Variants in VEZT observed in about 807,000 individuals in gnomAD.
The protein encoded by VEZT is vezatin, adherens junctions transmembrane protein.
Under a neutral mutation model 79.9 loss-of-function variants are expected in VEZT, and 39 were observed. That is an observed-to-expected ratio of 0.49 (90% CI 0.38 to 0.64). The LOEUF is 0.64. Among genes scored for constraint, VEZT ranks in the 30% least tolerant of loss-of-function variants. The probability of loss-of-function intolerance (pLI) is 0.00; values close to 1 mark genes in which losing one functional copy is unlikely to be tolerated. For synonymous variants in VEZT, 325 were observed against 327.6 expected (o/e 0.99, Z 0.09); for missense variants, 837 against 893.1 (o/e 0.94, Z 0.80).
At chr12:95,294,459 A>T (rs1055911395) in intron 10 of VEZT, 87 bp downstream of exon 10, 1 of 1,119,042 alleles carries the variant, frequency 8.9e-7, no homozygotes, top group Non-Finnish European at 1.3e-6. Flanking sequence ...TTGAATTTAT[A>T]TCAGATCATT....
intron 1 of VEZT, among the ~76,000 whole-genome samples, chr12:95,247,193 A>G (rs1352414427): frequency 6.6e-6 from 1 of 152,226 alleles, no homozygotes; most frequent in African/African-American, 2.4e-5. Flanking sequence ...AGATGGTTGC[A>G]TATTCTACGT....
Position 95,249,015 on chromosome 12 carries a change from C to T in VEZT, c.37-2925C>T, listed in dbSNP as rs139444641. The stretch of plus-strand genomic sequence containing the variant: ...AATATTTTGTGACATATGAAAATTA[C>T]ATGAAGTTCAAATTTCAGTGTCTAT... On this transcript the variant is annotated intron_variant, in intron 1 of 11. Transcript: ENST00000436874. 2.7e-4 allele frequency among the ~76,000 whole-genome samples: 41 copies of T among 152,152 alleles called. 2 individuals are homozygous for T. The highest frequency in any genetic ancestry group is 9.6e-4 in the African/African-American group (40 of 41,510).
chr12:95,221,871 AT>A lies in VEZT; in HGVS notation c.36+3986del, dbSNP rs1565954954. On this transcript the variant is annotated intron_variant, in intron 1 of 11. Transcript: ENST00000436874. The stretch of plus-strand genomic sequence containing the variant: ...ATAAATACTCAAAAATATTCAAAAA[AT>A]AATACAAATAAAAAAACTATACAGG... 1.3e-3 allele frequency among the ~76,000 whole-genome samples: 203 copies of A among 152,206 alleles called. 1 individual carries two copies. Among genetic ancestry groups the A allele is most frequent in the African/African-American group, 4.7e-3 (197 of 41,530 alleles).
chr12:95,281,436 C>T (rs1566250024), intron 7 of VEZT, among the ~76,000 whole-genome samples: 1 of 152,018 alleles, frequency 6.6e-6, no homozygotes. Flanking sequence ...TATGATAGTG[C>T]CATTGCACTC....
At chr12:95,260,770 T>TC (rs2138297642) in intron 3 of VEZT, among the ~76,000 whole-genome samples, 1 of 152,316 alleles carries the variant, frequency 6.6e-6, no homozygotes. Flanking sequence ...AATAGTAAGA[T>TC]CAATTTCAGA....
rs188529536 is a variant in VEZT at position 95,302,415 on chromosome 12, C to T, written c.*1742C>T. Reference sequence around the variant, plus strand: ...CTAAATAATTTTAATCGAGAATTTCCAGTCTTTCAGTCTGATCTATTTAAT... The same window carrying T: ...CTAAATAATTTTAATCGAGAATTTCTAGTCTTTCAGTCTGATCTATTTAAT... On this transcript the variant is annotated 3_prime_UTR_variant, in exon 12 of 12. Transcript: ENST00000436874. 3.4e-4 allele frequency: 51 copies of T among 152,154 alleles called. 2 individuals are homozygous for T. The highest frequency in any genetic ancestry group is 1.2e-3 in the African/African-American group (50 of 41,524). The allele number at this position is 152,154 out of a possible 1,614,324, so 9.4% of individuals were successfully genotyped here.
rs2136327487 is a variant in VEZT, at chr12:95,217,814, T to G, written c.-37T>G. On this transcript the variant is annotated 5_prime_UTR_variant, in exon 1 of 12. Transcript: ENST00000436874. ...TGCCGCCTGTACTCCCGCCTTCATT[T>G]CCCATCGTGCTGAGGCGGGTGGCAT... 1 of 1,551,978 alleles carries G rather than the reference T, an allele frequency of 6.4e-7. No homozygotes were observed. The highest frequency in any genetic ancestry group is 1.2e-5 in the South Asian group (1 of 83,962).
At chr12:95,265,140 C>CG (rs774664346) in intron 4 of VEZT, among the ~76,000 whole-genome samples, 50 of 152,058 alleles carry the variant, frequency 3.3e-4, no homozygotes, top group Non-Finnish European at 6.2e-4. Context: ...AGATTACAGG[C>CG]GTGGGCCACT....
At position 95,271,626 on chromosome 12, in the gene VEZT, T is replaced by C. The variant is rs367562711; in HGVS notation, c.848+1438T>C. On this transcript the variant is annotated intron_variant, in intron 6 of 11. Coordinates refer to ENST00000436874, the MANE Select transcript of VEZT (RefSeq NM_017599.4). ...GGCATGTGAACTGTTGGTCATTCAG[T>C]GAATATTTATGGAGCACAGACTGCC... is the stretch of plus-strand genomic sequence containing the variant. Among the ~76,000 whole-genome samples, 20 of 152,306 alleles carry C rather than the reference T, an allele frequency of 1.3e-4. No homozygotes were observed. The East Asian group carries it at 1.3e-3, about 10-fold the overall frequency.
Position 95,220,140 on chromosome 12 carries a change from A to T in VEZT, c.36+2254A>T, listed in dbSNP as rs567021796. On this transcript the variant is annotated intron_variant, in intron 1 of 11. Coordinates refer to ENST00000436874, the MANE Select transcript of VEZT (RefSeq NM_017599.4). ...ATATTTTCACATGTTGAGCACACCC[A>T]TGTAACCAGCACCCAGATCAAGAAA... Among the ~76,000 whole-genome samples the T allele has an allele frequency of 2.0e-5, 3 of 152,316 alleles. No individual in the cohort carries two copies. In the South Asian group the frequency reaches 6.2e-4, roughly 32 times the overall value.
At chr12:95,267,673 C>T (rs1309102248) in intron 5 of VEZT, among the ~76,000 whole-genome samples, 2 of 152,170 alleles carry the variant, frequency 1.3e-5, no homozygotes, top group African/African-American at 2.4e-5. Context: ...TTGTGTTCTA[C>T]ACACAATCCC....
intron 5 of VEZT, among the ~76,000 whole-genome samples, 166 bp downstream of exon 5, chr12:95,266,798 A>G (rs1471640341): frequency 1.3e-5 from 2 of 152,232 alleles, no homozygotes; most frequent in Non-Finnish European, 2.9e-5. Context: ...GAATAAATAC[A>G]TTATGTGCTA....
At chr12:95,273,887 C>T (rs186143872) in intron 6 of VEZT, among the ~76,000 whole-genome samples, 10 of 152,002 alleles carry the variant, frequency 6.6e-5, no homozygotes, top group East Asian at 3.9e-4. Context: ...AGATGGTTCA[C>T]GATCAATAAT....
Position 95,300,528 on chromosome 12 carries a change from C to T in VEZT, c.2195C>T (p.Ser732Leu). 1.2e-6 allele frequency: 2 copies of T among 1,613,920 alleles called. No individual in the cohort carries two copies. Among genetic ancestry groups the T allele is most frequent in the South Asian group, 1.1e-5 (1 of 91,076 alleles). ...CAGAGGCTGGCACGGCTACAGCTGT[C>T]ACCAGATTTTACCTTCACTGCTGGC... is the stretch of plus-strand genomic sequence containing the variant. ...IKQRLARLQL[S>L]PDFTFTAGLA... Residue 732 changes from serine (S) to leucine (L), a missense_variant, in exon 12 of 12, where the codon TCA becomes TTA. Physicochemically the swap from Ser to Leu is moderately radical, Grantham distance 145 (BLOSUM62 -2). Coordinates refer to ENST00000436874, the MANE Select transcript of VEZT (RefSeq NM_017599.4).
At position 95,296,347 on chromosome 12, in the gene VEZT, C is replaced by A. The variant is rs2074130070; in HGVS notation, c.1831+89C>A. 23 of 1,334,158 alleles carry A rather than the reference C, an allele frequency of 1.7e-5. No homozygotes were observed. In the South Asian group the frequency reaches 3.3e-4, roughly 19 times the overall value. 82.6% of individuals were successfully genotyped at this position (1,334,158 alleles called of 1,614,324 possible). A position where few individuals can be genotyped will look rare whatever the true frequency, so the allele number is the denominator to read the frequency against. The stretch of plus-strand genomic sequence containing the variant: ...TGAATGTTATTTTAGCTGAAGAATT[C>A]TTGGGGTTTTATAAGGGTCCACCAG... On this transcript the variant is annotated intron_variant, in intron 11 of 11. Transcript: ENST00000436874.
At chr12:95,292,198 A>G (rs2073027435) in intron 9 of VEZT, among the ~76,000 whole-genome samples, 1 of 152,210 alleles carries the variant, frequency 6.6e-6, no homozygotes, top group Non-Finnish European at 1.5e-5. Flanking sequence ...CATCATTGGT[A>G]GCTTAAAATT....
intron 2 of VEZT, chr12:95,256,648 G>A (rs748406379): frequency 1.7e-4 from 205 of 1,224,250 alleles, no homozygotes; most frequent in Non-Finnish European, 2.1e-4. Flanking sequence ...GGTTGATTCA[G>A]TAGTAAAGCT....
At position 95,246,102 on chromosome 12, in the gene VEZT, C is replaced by T. The variant is rs187435573; in HGVS notation, c.37-5838C>T. On this transcript the variant is annotated intron_variant, in intron 1 of 11. Coordinates refer to ENST00000436874, the MANE Select transcript of VEZT (RefSeq NM_017599.4). ...GTTGGACTTTATACATCTGGGAGAT[C>T]TGATATCTTTTCTTTTTTTTCTTTT... Among the ~76,000 whole-genome samples, 4 of 152,178 alleles carry T rather than the reference C, an allele frequency of 2.6e-5. No individual in the cohort carries two copies. In the East Asian group the frequency reaches 7.7e-4, roughly 29 times the overall value.
intron 1 of VEZT, among the ~76,000 whole-genome samples, chr12:95,236,626 A>G (rs1293584511): frequency 6.7e-6 from 1 of 148,856 alleles, no homozygotes; most frequent in South Asian, 2.1e-4. Flanking sequence ...GCTGGAGTGC[A>G]GTGTCATGAT....
Sources: gnomAD v4.1 joint callset for allele counts (sites outside exome capture counted in the v4.1 genomes callset) on GRCh38, gnomAD v4.1.1 for gene constraint, MANE v1.5 for transcripts, NCBI Gene and HGNC (gene_info 2026-07-23, HGNC 2026-07-21) for gene names.